The following SPOCK1 variants were observed in gnomAD, a reference collection of about 807,000 sequenced individuals.
The protein encoded by SPOCK1 is SPARC (osteonectin), cwcv and kazal like domains proteoglycan 1.
In SPOCK1, 23 loss-of-function variants were observed where a neutral mutation model predicts 55.3. The observed-to-expected ratio is 0.42, with a 90% CI of 0.30 to 0.59. The LOEUF (loss-of-function observed/expected upper bound fraction) is 0.59. Ranked by LOEUF, SPOCK1 falls within the 20% of genes least tolerant of loss-of-function variation. The probability of loss-of-function intolerance (pLI) is 0.22; values close to 1 mark genes in which losing one functional copy is unlikely to be tolerated. For synonymous variants in SPOCK1, 226 were observed against 221.0 expected, an observed-to-expected ratio of 1.02 and a Z score of -0.20; for missense variants, 499 against 552.5, an observed-to-expected ratio of 0.90 and a Z score of 0.97.
At chr5:137,492,741 C>G (rs533747637) in intron 2 of SPOCK1, among the ~76,000 whole-genome samples, 1 of 152,192 alleles carries the variant, frequency 6.6e-6, no homozygotes, top group African/African-American at 2.4e-5. Context: ...CAGAAACCTG[C>G]GAGAGTGCCA....
intron 3 of SPOCK1, among the ~76,000 whole-genome samples, chr5:137,171,453 C>T (rs1754753657): frequency 6.6e-6 from 1 of 152,152 alleles, no homozygotes; most frequent in Admixed American, 6.6e-5. Context: ...TTCTTGAAGC[C>T]ACCACATGAA....
intron 3 of SPOCK1, among the ~76,000 whole-genome samples, chr5:137,165,342 A>AG (rs35333457): frequency 0.66 from 100,762 of 152,092 alleles, 33,800 homozygotes; most frequent in African/African-American, 0.77. Context: ...TCAGTCTACA[A>AG]AACCAGAGCA....
At chr5:137,277,253 G>A (rs1332971618) in intron 2 of SPOCK1, among the ~76,000 whole-genome samples, 5 of 152,104 alleles carry the variant, frequency 3.3e-5, no homozygotes, top group South Asian at 2.1e-4. Context: ...AGCCTCATGT[G>A]ATCCTCCTGC....
chr5:137,420,418 T>C (rs891335453), intron 2 of SPOCK1, among the ~76,000 whole-genome samples: 3 of 152,188 alleles, frequency 2.0e-5, no homozygotes, highest in Admixed American at 2.0e-4. Flanking sequence ...TGTGAATCCA[T>C]CTGGTCCTGG....
intron 3 of SPOCK1, among the ~76,000 whole-genome samples, chr5:137,243,923 C>T (rs1756343230): frequency 6.6e-6 from 1 of 152,106 alleles, no homozygotes; most frequent in Non-Finnish European, 1.5e-5. Flanking sequence ...GGGCAATGAA[C>T]AGGGATTAAA....
At chr5:137,394,826 A>G (rs1751806842) in intron 2 of SPOCK1, among the ~76,000 whole-genome samples, 1 of 152,218 alleles carries the variant, frequency 6.6e-6, no homozygotes, top group Admixed American at 6.5e-5. Context: ...GGCTCATTAA[A>G]TCTGGGGGTC....
intron 2 of SPOCK1, among the ~76,000 whole-genome samples, chr5:137,350,161 A>G (rs1750648141): frequency 6.6e-6 from 1 of 152,138 alleles, no homozygotes. Context: ...GAAGCCACAG[A>G]CAGGAATGAG....
rs555967486 is a variant in SPOCK1, at chr5:137,192,668, ACTAT to A, written c.233-51978_233-51975del. Among the ~76,000 whole-genome samples, 8 of 152,348 alleles carry A rather than the reference ACTAT, an allele frequency of 5.3e-5. No homozygotes were observed. In the South Asian group the frequency reaches 1.4e-3, roughly 28 times the overall value. On this transcript the variant is annotated intron_variant, in intron 3 of 10. Transcript: ENST00000394945. ...GATTCATACTTTGCAAAGATGACACACTATCTATCAACAGAAAGATGGACAAATA... is the reference window on the plus strand; with the variant it reads ...GATTCATACTTTGCAAAGATGACACACTATCAACAGAAAGATGGACAAATA...
intron 7 of SPOCK1, 145 bp downstream of exon 7, chr5:136,992,339 A>AT (rs1750964454): frequency 1.5e-6 from 1 of 685,074 alleles, no homozygotes; most frequent in African/African-American, 1.9e-5. Context: ...ACATTTTTTA[A>AT]TCCAACTTTT....
intron 3 of SPOCK1, among the ~76,000 whole-genome samples, chr5:137,215,094 G>T (rs971663524): frequency 6.6e-6 from 1 of 152,194 alleles, no homozygotes; most frequent in African/African-American, 2.4e-5. Flanking sequence ...AGGTGGCAGG[G>T]TCTGTAATTT....
At chr5:137,028,367 G>A (rs1438074217) in intron 6 of SPOCK1, among the ~76,000 whole-genome samples, 2 of 152,198 alleles carry the variant, frequency 1.3e-5, no homozygotes, top group Non-Finnish European at 2.9e-5. Flanking sequence ...TACAGGATCT[G>A]GCAGAGAAGG....
intron 2 of SPOCK1, among the ~76,000 whole-genome samples, chr5:137,403,696 C>T (rs1018305696): frequency 7.9e-5 from 12 of 151,360 alleles, no homozygotes; most frequent in African/African-American, 2.9e-4. Context: ...ATCCAGGCAG[C>T]ACGGGCACAG....
rs113130687 is a variant in SPOCK1 at position 137,016,501 on chromosome 5, C to T, written c.590-23901G>A. Among the ~76,000 whole-genome samples the T allele has an allele frequency of 6.4e-3, 974 of 152,252 alleles. 6 individuals carry two copies. The highest frequency in any genetic ancestry group is 0.011 in the Non-Finnish European group (731 of 68,018). ...AATAAGAAGACCTAGAAAATAAATC[C>T]TATACCAAACAATAAATTTTCTGTG... is the stretch of plus-strand genomic sequence containing the variant. On this transcript the variant is annotated intron_variant, in intron 6 of 10. Transcript: ENST00000394945.
chr5:137,316,890 A>C (rs1323493295), intron 2 of SPOCK1, among the ~76,000 whole-genome samples: 1 of 152,212 alleles, frequency 6.6e-6, no homozygotes, highest in Non-Finnish European at 1.5e-5. Flanking sequence ...CTGGAAAACA[A>C]ATCTACCTGC....
rs1221107095 is a variant in SPOCK1, at chr5:136,975,459, C to T, written c.*3195G>A. 6.6e-6 allele frequency: 1 copy of T among 152,608 alleles called. No homozygotes were observed. The highest frequency in any genetic ancestry group is 1.5e-5 in the Non-Finnish European group (1 of 68,036). 9.5% of individuals were successfully genotyped at this position (152,608 alleles called of 1,614,324 possible). A position where few individuals can be genotyped will look rare whatever the true frequency, so the allele number is the denominator to read the frequency against. Reference sequence around the variant, plus strand: ...GGTTTTTGCTACATCACTATTTCATCTACAATAGGGACAACAAACTGACAC... The same window carrying T: ...GGTTTTTGCTACATCACTATTTCATTTACAATAGGGACAACAAACTGACAC... On this transcript the variant is annotated 3_prime_UTR_variant, in exon 11 of 11. Coordinates refer to ENST00000394945, the MANE Select transcript of SPOCK1 (RefSeq NM_004598.4).
intron 2 of SPOCK1, among the ~76,000 whole-genome samples, chr5:137,433,189 C>G (rs992025609): frequency 1.3e-5 from 2 of 152,166 alleles, no homozygotes; most frequent in Non-Finnish European, 2.9e-5. Flanking sequence ...GGAAATGGAG[C>G]TGGACTTGAA....
chr5:137,355,761 C>A (rs1750777898), intron 2 of SPOCK1, among the ~76,000 whole-genome samples: 1 of 152,174 alleles, frequency 6.6e-6, no homozygotes, highest in South Asian at 2.1e-4. Flanking sequence ...GCTTTTCTTG[C>A]CCTCATGCCT....
At chr5:137,238,197 G>A (rs1369128) in intron 3 of SPOCK1, among the ~76,000 whole-genome samples, 131,171 of 152,270 alleles carry the variant, frequency 0.86, 56,571 homozygotes, top group African/African-American at 0.91. Flanking sequence ...AATTACTTCA[G>A]TTAACTAATG....
At chr5:137,114,793 C>T (rs1175193350) in intron 4 of SPOCK1, among the ~76,000 whole-genome samples, 2 of 152,210 alleles carry the variant, frequency 1.3e-5, no homozygotes, top group Non-Finnish European at 2.9e-5. Flanking sequence ...ATTTAGCAGC[C>T]CTGCTCCTGG....
Sources: allele counts gnomAD v4.1 joint callset (sites outside exome capture counted in the v4.1 genomes callset), GRCh38; gene constraint gnomAD v4.1.1; transcripts MANE v1.5; gene names NCBI Gene and HGNC (gene_info 2026-07-23, HGNC 2026-07-21).